Variants in MRPL30 observed in about 807,000 individuals in gnomAD.
MRPL30 encodes the protein mitochondrial ribosomal protein L30, also known as large ribosomal subunit protein uL30m.
A neutral mutation model predicts 17.2 loss-of-function variants in MRPL30; 10 were observed. That is an observed-to-expected ratio of 0.58 (90% CI 0.36 to 0.99). MRPL30 has a LOEUF of 0.99. Ranked by LOEUF, MRPL30 falls within the 50% of genes least tolerant of loss-of-function variation. The pLI is 0.01. For missense variants in MRPL30, 170 were observed against 189.8 expected, an observed-to-expected ratio of 0.90 and a Z score of 0.61; for synonymous variants, 61 against 62.1, an observed-to-expected ratio of 0.98 and a Z score of 0.08.
intron 3 of MRPL30, 54 bp from the exon 4 acceptor site, chr2:99,194,697 A>G: frequency 6.7e-7 from 1 of 1,498,624 alleles, no homozygotes; most frequent in Non-Finnish European, 9.0e-7. Context: ...AATGGGAGGT[A>G]CACAGAAACT....
intron 3 of MRPL30, among the ~76,000 whole-genome samples, chr2:99,191,111 A>C (rs905375411): frequency 6.6e-6 from 1 of 151,270 alleles, no homozygotes; most frequent in African/African-American, 2.4e-5. Flanking sequence ...GGTTCAAGCA[A>C]TTCTCCTGCC....
intron 3 of MRPL30, among the ~76,000 whole-genome samples, chr2:99,193,467 C>T (rs2093950313): frequency 6.6e-6 from 1 of 151,920 alleles, no homozygotes; most frequent in East Asian, 1.9e-4. Flanking sequence ...AATCTGCTTC[C>T]CCAGAGCTAT....
rs13798 is a variant in MRPL30, at chr2:99,197,151, T to C, written c.*1446T>C. 92,832 of 152,066 alleles carry C rather than the reference T, an allele frequency of 0.61. 28,926 individuals carry two copies. Among genetic ancestry groups the C allele is most frequent in the East Asian group, 0.88 (4,580 of 5,182 alleles). The allele number at this position is 152,066 out of a possible 1,614,324, so 9.4% of individuals were successfully genotyped here. Reference sequence around the variant, plus strand: ...GAATTATTTCCTTTCTTTTCTATTTTAGATACCTGGAGGGGTGGGGAGAAG... The same window carrying C: ...GAATTATTTCCTTTCTTTTCTATTTCAGATACCTGGAGGGGTGGGGAGAAG... On this transcript the variant is annotated 3_prime_UTR_variant, in exon 6 of 6. Coordinates refer to ENST00000338148, the MANE Select transcript of MRPL30 (RefSeq NM_145212.4).
rs1286424883 is a variant in MRPL30, at chr2:99,186,334, C to CT, written c.51+88dup. On this transcript the variant is annotated intron_variant, in intron 2 of 5. Coordinates refer to ENST00000338148, the MANE Select transcript of MRPL30 (RefSeq NM_145212.4). ...TAATCATTACAAGGCAAGCTAAGTT[C>CT]TTTTTTTTATTTTTTTGAGACGAAG... The CT allele has an allele frequency of 1.1e-4, 147 of 1,340,554 alleles. 1 individual carries two copies. The highest frequency in any genetic ancestry group is 1.2e-4 in the Non-Finnish European group (119 of 954,148). 83.0% of individuals were successfully genotyped at this position (1,340,554 alleles called of 1,614,324 possible).
rs1240342158 is a variant in MRPL30 at position 99,199,008 on chromosome 2, A to G, written c.*3303A>G. ...TTATCTAACTGGCACAGTTTCACCA[A>G]GGACAGTTTGGAACTACACAGGCCA... On this transcript the variant is annotated 3_prime_UTR_variant, in exon 6 of 6. Coordinates refer to ENST00000338148, the MANE Select transcript of MRPL30 (RefSeq NM_145212.4). Among the ~76,000 whole-genome samples, 1 of 152,112 alleles carries G rather than the reference A, an allele frequency of 6.6e-6. No homozygotes were observed. Among genetic ancestry groups the G allele is most frequent in the African/African-American group, 2.4e-5 (1 of 41,414 alleles).
chr2:99,190,223 C>T lies in MRPL30; in HGVS notation c.132+1966C>T, dbSNP rs1311869340. Reference sequence around the variant, plus strand: ...TTTCTTAAAAGATAAAACAGTATTACCATTGACTACTTTGATACCTTTAAT... The same window carrying T: ...TTTCTTAAAAGATAAAACAGTATTATCATTGACTACTTTGATACCTTTAAT... On this transcript the variant is annotated intron_variant, in intron 3 of 5. Coordinates refer to ENST00000338148, the MANE Select transcript of MRPL30 (RefSeq NM_145212.4). 6.6e-5 allele frequency among the ~76,000 whole-genome samples: 10 copies of T among 152,180 alleles called. No homozygotes were observed. In the East Asian group the frequency reaches 1.9e-3, roughly 29 times the overall value.
intron 1 of MRPL30, chr2:99,185,832 T>C: frequency 2.2e-6 from 1 of 444,734 alleles, no homozygotes; most frequent in South Asian, 1.6e-5. Context: ...TTGGAATTTC[T>C]TCAGTCCCTT....
At chr2:99,192,453 T>C (rs1343632039) in intron 3 of MRPL30, among the ~76,000 whole-genome samples, 1 of 152,208 alleles carries the variant, frequency 6.6e-6, no homozygotes, top group Non-Finnish European at 1.5e-5. Flanking sequence ...TTCTCATTGC[T>C]CAACTCCCAC....
intron 2 of MRPL30, 27 bp from the exon 3 acceptor site, chr2:99,188,150 A>G (rs757455981): frequency 6.5e-7 from 1 of 1,530,250 alleles, no homozygotes. Flanking sequence ...GAATTCTAAA[A>G]AACAAATGAT....
Position 99,199,014 on chromosome 2 carries a change from G to C in MRPL30, c.*3309G>C, listed in dbSNP as rs895147354. The stretch of plus-strand genomic sequence containing the variant: ...AACTGGCACAGTTTCACCAAGGACA[G>C]TTTGGAACTACACAGGCCATTTTAG... On this transcript the variant is annotated 3_prime_UTR_variant, in exon 6 of 6. Transcript: ENST00000338148. Among the ~76,000 whole-genome samples the C allele has an allele frequency of 6.6e-6, 1 of 151,972 alleles. No individual in the cohort carries two copies. The highest frequency in any genetic ancestry group is 2.4e-5 in the African/African-American group (1 of 41,348).
At chr2:99,194,366 G>C (rs1434818556) in intron 3 of MRPL30, among the ~76,000 whole-genome samples, 1 of 152,156 alleles carries the variant, frequency 6.6e-6, no homozygotes, top group Non-Finnish European at 1.5e-5. Context: ...ATACTTTGTA[G>C]ATTCTTTTTA....
rs2093955761 is a variant in MRPL30 at position 99,196,730 on chromosome 2, A to G, written c.*1025A>G. ...ATGGTCCCCACCTTTTGGAGCTTAC[A>G]GTCTGTTCTGGGGAACAGAGATTCA... On this transcript the variant is annotated 3_prime_UTR_variant, in exon 6 of 6. Transcript: ENST00000338148. The G allele has an allele frequency of 6.6e-6, 1 of 152,282 alleles. No individual in the cohort carries two copies. The highest frequency in any genetic ancestry group is 1.5e-5 in the Non-Finnish European group (1 of 68,066). 9.4% of individuals were successfully genotyped at this position (152,282 alleles called of 1,614,324 possible).
In MRPL30 at chr2:99,181,241, C is replaced by A; in HGVS notation, c.-36C>A. The stretch of plus-strand genomic sequence containing the variant: ...GGAAAATTTCAGGCTGAAGGTTTAG[C>A]GGGTGCCGGTGAGTGGGGAATGAGT... On this transcript the variant is annotated 5_prime_UTR_variant, in exon 1 of 6. Coordinates refer to ENST00000338148, the MANE Select transcript of MRPL30 (RefSeq NM_145212.4). 1 of 447,892 alleles carries A rather than the reference C, an allele frequency of 2.2e-6. No individual in the cohort carries two copies. The highest frequency in any genetic ancestry group is 4.0e-6 in the Non-Finnish European group (1 of 250,928). The allele number at this position is 447,892 out of a possible 1,614,324, so 27.7% of individuals were successfully genotyped here.
chr2:99,195,399 G>A (rs1282208094), intron 5 of MRPL30, 174 bp from the exon 6 acceptor site: 4 of 828,086 alleles, frequency 4.8e-6, no homozygotes, highest in Admixed American at 5.8e-5. Flanking sequence ...TCCGATCAGG[G>A]TAATTGGCAT....
chr2:99,194,546 C>G (rs1371026749), intron 3 of MRPL30, among the ~76,000 whole-genome samples: 1 of 152,236 alleles, frequency 6.6e-6, no homozygotes, highest in African/African-American at 2.4e-5. Flanking sequence ...TCTGGTTGCT[C>G]CTGCTTTGTT....
intron 1 of MRPL30, chr2:99,185,802 G>A: frequency 2.2e-6 from 1 of 453,182 alleles, no homozygotes; most frequent in Non-Finnish European, 4.4e-6. Context: ...GATGTGGGCA[G>A]TCAGTTCTAA....
At chr2:99,186,556 A>G (rs901424131) in intron 2 of MRPL30, among the ~76,000 whole-genome samples, 5 of 151,900 alleles carry the variant, frequency 3.3e-5, no homozygotes, top group Admixed American at 3.3e-4. Context: ...CTGGTCTCCA[A>G]CTCCTGACCT....
intron 3 of MRPL30, among the ~76,000 whole-genome samples, chr2:99,193,428 C>T (rs1451642299): frequency 6.6e-6 from 1 of 151,910 alleles, no homozygotes; most frequent in Non-Finnish European, 1.5e-5. Context: ...ATTAAAATAC[C>T]ATCTTTTTGG....
At chr2:99,183,584 A>T (rs950783650) in intron 1 of MRPL30, among the ~76,000 whole-genome samples, 4 of 151,582 alleles carry the variant, frequency 2.6e-5, no homozygotes, top group Admixed American at 2.6e-4. Context: ...AAAAAAAAAA[A>T]TTGATTTTCA....
Sources: gnomAD v4.1 joint callset for allele counts (sites outside exome capture counted in the v4.1 genomes callset) on GRCh38, gnomAD v4.1.1 for gene constraint, MANE v1.5 for transcripts, NCBI Gene and HGNC (gene_info 2026-07-23, HGNC 2026-07-21) for gene names.